CPXM2: variants seen among roughly 807,000 people sequenced by gnomAD.
CPXM2 encodes the protein carboxypeptidase X, M14 family member 2.
Under a neutral mutation model 86.1 loss-of-function variants are expected in CPXM2, and 66 were observed. The ratio of observed to expected loss-of-function variants is 0.77; its 90% CI spans 0.63 to 0.94. The LOEUF (loss-of-function observed/expected upper bound fraction) is 0.94, where lower values mean the gene tolerates loss of function less well. Ranked by LOEUF, CPXM2 falls within the 40% of genes least tolerant of loss-of-function variation. The pLI, the probability that CPXM2 is intolerant of heterozygous loss-of-function variation, is 0.00. For missense variants in CPXM2, 948 were observed against 1,026.3 expected (o/e 0.92, Z 1.04); for synonymous variants, 388 against 400.2 (o/e 0.97, Z 0.36).
Position 123,801,724 on chromosome 10 carries a change from C to T in CPXM2, c.654-2525G>A, listed in dbSNP as rs58431096. On this transcript the variant is annotated intron_variant, in intron 4 of 13. Transcript: ENST00000241305. ...TTAACAAAATCCCCATCACGTTCTA[C>T]GAGACCCTTGCTTGCCTTGCGTTCT... Among the ~76,000 whole-genome samples the T allele has an allele frequency of 6.4e-3, 972 of 152,274 alleles. 10 individuals are homozygous for T. The highest frequency in any genetic ancestry group is 0.022 in the African/African-American group (921 of 41,564).
Position 123,761,989 on chromosome 10 carries a change from A to G in CPXM2, c.1660T>C (p.Ser554Pro). ...DDHVFRWLAY[S>P]YASTHRLMTD... Reference sequence around the variant, plus strand: ...ATGAGGCGGTGTGTGGAGGCATAGGAGTAGGCCAGCCAGCGGAACACGTGG... The same window carrying G: ...ATGAGGCGGTGTGTGGAGGCATAGGGGTAGGCCAGCCAGCGGAACACGTGG... The change falls in exon 11 of 14, where the codon TCC becomes CCC. Residue 554 changes from serine to proline, a missense_variant. Coordinates refer to ENST00000241305, the MANE Select transcript of CPXM2 (RefSeq NM_198148.3). The G allele has an allele frequency of 6.2e-7, 1 of 1,613,676 alleles. No homozygotes were observed. Among genetic ancestry groups the G allele is most frequent in the Non-Finnish European group, 8.5e-7 (1 of 1,179,770 alleles).
At chr10:123,901,424 C>T (rs887452680) in intron 2 of CPXM2, among the ~76,000 whole-genome samples, 21 of 84,118 alleles carry the variant, frequency 2.5e-4, no homozygotes, top group African/African-American at 1.2e-3. Flanking sequence ...TCCATCCAAG[C>T]AAGTTTGTGT....
chr10:123,758,048 AT>A (rs1846253049), intron 11 of CPXM2, among the ~76,000 whole-genome samples: 1 of 152,110 alleles, frequency 6.6e-6, no homozygotes, highest in South Asian at 2.1e-4. Context: ...CGAATAGACC[AT>A]CGCTGCTTGG....
At chr10:123,880,145 T>TTGGGGGCCCCCC in intron 2 of CPXM2, 66 bp downstream of exon 2, 7 of 407,578 alleles carry the variant, frequency 1.7e-5, no homozygotes, top group South Asian at 2.7e-5. Context: ...CAGGGGCCTG[T>TTGGGGGCCCCCC]ACCCACCCAC....
chr10:123,939,339 G>A (rs955687447), intron 2 of CPXM2: 1 of 152,242 alleles, frequency 6.6e-6, no homozygotes, highest in African/African-American at 2.4e-5. Context: ...AGGCAGGCAG[G>A]TTCAGGAAGT....
At chr10:123,773,635 G>A (rs1198205224) in intron 7 of CPXM2, among the ~76,000 whole-genome samples, 1 of 152,050 alleles carries the variant, frequency 6.6e-6, no homozygotes, top group East Asian at 1.9e-4. Flanking sequence ...TTCCCTCCTG[G>A]AGCTTGCAGC....
At chr10:123,802,494 C>T (rs544133799) in intron 4 of CPXM2, among the ~76,000 whole-genome samples, 247 of 152,324 alleles carry the variant, frequency 1.6e-3, no homozygotes, top group Non-Finnish European at 2.7e-3. Flanking sequence ...TTCATTCTCA[C>T]TGCGTTCTAC....
chr10:123,863,376 GC>G (rs1848899106), intron 2 of CPXM2, among the ~76,000 whole-genome samples: 1 of 152,194 alleles, frequency 6.6e-6, no homozygotes, highest in African/African-American at 2.4e-5. Flanking sequence ...AGTGTGAAAG[GC>G]CATGCAGCGA....
chr10:123,792,435 G>C (rs139472448), intron 6 of CPXM2, among the ~76,000 whole-genome samples: 414 of 152,248 alleles, frequency 2.7e-3, no homozygotes, highest in Non-Finnish European at 4.5e-3. Flanking sequence ...GTTTTGAAAC[G>C]CAAGGCGCCA....
chr10:123,933,721 AAAC>A (rs1184517029), intron 2 of CPXM2, among the ~76,000 whole-genome samples: 2 of 151,970 alleles, frequency 1.3e-5, no homozygotes, highest in South Asian at 2.1e-4. Context: ...ATGTCTCTGA[AAAC>A]AACAACAAAA....
Position 123,746,878 on chromosome 10 carries a change from G to T in CPXM2, c.2157C>A (p.Ser719Arg). 4 of 1,614,126 alleles carry T rather than the reference G, an allele frequency of 2.5e-6. No individual in the cohort carries two copies. The highest frequency in any genetic ancestry group is 2.5e-6 in the Non-Finnish European group (3 of 1,180,034). Residue 719 changes from serine to arginine, a missense_variant, in exon 14 of 14, where the codon AGC becomes AGA. Physicochemically the swap from Ser to Arg is moderately radical, Grantham distance 110. Transcript: ENST00000241305. ...CTCGGATCCTGGCCATGTTGGTTTT[G>T]CTAAGTGTGAAGTCACACCTTGTGG... is the stretch of plus-strand genomic sequence containing the variant. ...MGATRCDFTL[S>R]KTNMARIREI... is the part of the protein sequence containing the mutation.
At chr10:123,866,008 A>T (rs1490710134) in intron 2 of CPXM2, among the ~76,000 whole-genome samples, 1 of 151,348 alleles carries the variant, frequency 6.6e-6, no homozygotes, top group Non-Finnish European at 1.5e-5. Context: ...CCCACACCAC[A>T]CACAGCCCTG....
intron 3 of CPXM2, 140 bp from the exon 4 acceptor site, chr10:123,842,628 G>T: frequency 1.3e-6 from 1 of 777,086 alleles, no homozygotes; most frequent in Non-Finnish European, 2.0e-6. Context: ...AAATAATTGT[G>T]CCCTGAACTC....
At chr10:123,880,974 T>C (rs1169276583) in intron 1 of CPXM2, among the ~76,000 whole-genome samples, 2 of 151,222 alleles carry the variant, frequency 1.3e-5, no homozygotes, top group African/African-American at 4.9e-5. Context: ...TTTTCCACCC[T>C]GCTGGGCTTC....
chr10:123,791,465 T>C (rs1375391521), intron 6 of CPXM2, among the ~76,000 whole-genome samples: 2 of 152,152 alleles, frequency 1.3e-5, no homozygotes, highest in Non-Finnish European at 2.9e-5. Context: ...CCGTGGTCTC[T>C]CTAAAAGCTC....
At chr10:123,933,053 G>A (rs905590231) in intron 2 of CPXM2, among the ~76,000 whole-genome samples, 7 of 152,226 alleles carry the variant, frequency 4.6e-5, no homozygotes, top group African/African-American at 1.4e-4. Flanking sequence ...CAGTGATTGT[G>A]CATTAGGGAC....
chr10:123,781,241 G>C (rs1377937548), intron 6 of CPXM2, among the ~76,000 whole-genome samples: 1 of 152,344 alleles, frequency 6.6e-6, no homozygotes, highest in East Asian at 1.9e-4. Flanking sequence ...CTGGGATTCG[G>C]GGGGTCAGGG....
intron 2 of CPXM2, among the ~76,000 whole-genome samples, chr10:123,872,275 A>G (rs80110181): frequency 0.019 from 2,871 of 152,312 alleles, 78 homozygotes; most frequent in South Asian, 0.085. Context: ...ACTGAAAACA[A>G]TCCAAATGCC....
intron 1 of CPXM2, among the ~76,000 whole-genome samples, chr10:123,888,102 C>T (rs774316712): frequency 2.0e-5 from 3 of 152,144 alleles, no homozygotes; most frequent in Non-Finnish European, 2.9e-5. Flanking sequence ...AAAGCCAGAA[C>T]CCACATCAAG....
Sources: allele counts gnomAD v4.1 joint callset (sites outside exome capture counted in the v4.1 genomes callset), GRCh38; gene constraint gnomAD v4.1.1; transcripts MANE v1.5; gene names NCBI Gene and HGNC (gene_info 2026-07-23, HGNC 2026-07-21).